The following NBAS variants were observed in gnomAD, a reference collection of about 807,000 sequenced individuals.
The protein encoded by NBAS is NBAS subunit of NRZ tethering complex, also known as NAG/BC035112 fusion.
Under a neutral mutation model 302.5 loss-of-function variants are expected in NBAS, and 219 were observed. The ratio of observed to expected loss-of-function variants is 0.72; its 90% CI spans 0.65 to 0.81. NBAS has a LOEUF of 0.81. Ranked by LOEUF, NBAS falls within the 30% of genes least tolerant of loss-of-function variation. The pLI is 0.00. For synonymous variants in NBAS, 1,118 were observed against 1,021.6 expected (o/e 1.09, Z -1.80); for missense variants, 2,932 against 2,841.6 (o/e 1.03, Z -0.72).
the NBAS span, among the ~76,000 whole-genome samples, chr2:14,785,166 T>G: frequency 6.6e-6 from 1 of 152,208 alleles, no homozygotes; most frequent in Non-Finnish European, 1.5e-5. Flanking sequence ...TGTACATTGA[T>G]TTTGTATCCT....
chr2:15,426,421 CTA>C (rs995563015), intron 22 of NBAS, among the ~76,000 whole-genome samples: 10 of 152,142 alleles, frequency 6.6e-5, no homozygotes, highest in Non-Finnish European at 1.5e-4. Flanking sequence ...TTCCTCCCCT[CTA>C]TTACCCATGG....
chr2:15,270,286 T>A (rs889738678), intron 44 of NBAS, among the ~76,000 whole-genome samples: 18 of 152,174 alleles, frequency 1.2e-4, no homozygotes, highest in African/African-American at 4.3e-4. Context: ...TGCCTCAGCC[T>A]CCCGAGTGGC....
At position 15,366,706 on chromosome 2, in the gene NBAS, G is replaced by A. The variant is rs757134769; in HGVS notation, c.3704-13C>T. ...GGGCACAATCGCACTACAAAAGAAA[G>A]ACGTATTAAAGACTTGGACCAGGGA... is the stretch of plus-strand genomic sequence containing the variant. On this transcript the variant is annotated splice_polypyrimidine_tract_variant and intron_variant, in intron 31 of 51. Transcript: ENST00000281513. The A allele has an allele frequency of 4.3e-6, 7 of 1,611,304 alleles. No individual in the cohort carries two copies. The South Asian group carries it at 7.7e-5, about 18-fold the overall frequency.
chr2:15,439,097 C>A (rs1042061115), intron 21 of NBAS, among the ~76,000 whole-genome samples: 3 of 151,970 alleles, frequency 2.0e-5, no homozygotes, highest in Non-Finnish European at 4.4e-5. Context: ...AGATCGAGAC[C>A]ATCCTGGCTA....
the NBAS span, among the ~76,000 whole-genome samples, chr2:14,861,191 G>A: frequency 6.6e-6 from 1 of 152,074 alleles, no homozygotes; most frequent in African/African-American, 2.4e-5. Context: ...ACACATCTTG[G>A]AGCTTTGCAC....
At chr2:14,846,919 A>G in the NBAS span, among the ~76,000 whole-genome samples, 1 of 152,184 alleles carries the variant, frequency 6.6e-6, no homozygotes. Flanking sequence ...AGAGAAAAAA[A>G]CAACCAGAAA....
chr2:15,001,965 A>T, the NBAS span, among the ~76,000 whole-genome samples: 1 of 152,116 alleles, frequency 6.6e-6, no homozygotes, highest in East Asian at 1.9e-4. Flanking sequence ...GCCTGCTTTT[A>T]TTCTCTTCTC....
At chr2:14,862,542 A>C in the NBAS span, among the ~76,000 whole-genome samples, 3 of 152,194 alleles carry the variant, frequency 2.0e-5, no homozygotes, top group Admixed American at 1.3e-4. Flanking sequence ...TGAAGAGAAA[A>C]AAACAAACAA....
the NBAS span, among the ~76,000 whole-genome samples, chr2:14,906,370 C>G: frequency 6.6e-6 from 1 of 152,206 alleles, no homozygotes; most frequent in Non-Finnish European, 1.5e-5. Flanking sequence ...ATAGCCTGCT[C>G]GTAAGTGGCA....
the NBAS span, among the ~76,000 whole-genome samples, chr2:15,052,887 C>T: frequency 6.6e-6 from 1 of 151,848 alleles, no homozygotes; most frequent in East Asian, 1.9e-4. Flanking sequence ...GGGTGAATAA[C>T]AAAAAGATTT....
intron 38 of NBAS, among the ~76,000 whole-genome samples, chr2:15,326,089 GC>G (rs1672051620): frequency 6.6e-6 from 1 of 152,082 alleles, no homozygotes; most frequent in Admixed American, 6.5e-5. Flanking sequence ...AGTTCATGGT[GC>G]CCCAAAACAA....
At chr2:15,499,102 C>T (rs563974432) in intron 11 of NBAS, among the ~76,000 whole-genome samples, 1 of 152,084 alleles carries the variant, frequency 6.6e-6, no homozygotes, top group Non-Finnish European at 1.5e-5. Context: ...CTAATTTTTG[C>T]ATTTTTAGTA....
At chr2:15,457,677 C>A (rs961944935) in intron 21 of NBAS, among the ~76,000 whole-genome samples, 2 of 152,168 alleles carry the variant, frequency 1.3e-5, no homozygotes, top group Admixed American at 1.3e-4. Context: ...GGTGCCCAAC[C>A]AATGGTGCGT....
chr2:15,437,298 CAG>C (rs1231669567), intron 21 of NBAS, among the ~76,000 whole-genome samples: 1 of 152,088 alleles, frequency 6.6e-6, no homozygotes, highest in Non-Finnish European at 1.5e-5. Flanking sequence ...TCCTGGGTGA[CAG>C]AGAGTCTCCA....
intron 38 of NBAS, among the ~76,000 whole-genome samples, chr2:15,309,781 T>G (rs1345193801): frequency 6.6e-6 from 1 of 152,214 alleles, no homozygotes; most frequent in Non-Finnish European, 1.5e-5. Context: ...CTTGTATGTC[T>G]TAAAATATCC....
At chr2:15,405,942 G>A (rs982074432) in intron 25 of NBAS, among the ~76,000 whole-genome samples, 4 of 151,778 alleles carry the variant, frequency 2.6e-5, no homozygotes, top group Admixed American at 2.0e-4. Flanking sequence ...AACAACATCC[G>A]CTATTATTGG....
chr2:15,237,771 ATTTTTT>A (rs765648566), intron 45 of NBAS, among the ~76,000 whole-genome samples: 134 of 66,548 alleles, frequency 2.0e-3, no homozygotes, highest in African/African-American at 7.2e-3. Flanking sequence ...TAATGTTTGT[ATTTTTT>A]TTTTTTTTTT....
chr2:14,908,378 T>A, the NBAS span, among the ~76,000 whole-genome samples: 1 of 152,162 alleles, frequency 6.6e-6, no homozygotes, highest in African/African-American at 2.4e-5. Flanking sequence ...ATAATAATAA[T>A]AAAAATAATA....
the NBAS span, among the ~76,000 whole-genome samples, chr2:14,847,629 A>G: frequency 6.6e-6 from 1 of 152,152 alleles, no homozygotes; most frequent in Admixed American, 6.5e-5. Flanking sequence ...GAGCATTCAG[A>G]TATATAAAGA....
Sources: gnomAD v4.1 joint callset for allele counts (sites outside exome capture counted in the v4.1 genomes callset) on GRCh38, gnomAD v4.1.1 for gene constraint, MANE v1.5 for transcripts, NCBI Gene and HGNC (gene_info 2026-07-23, HGNC 2026-07-21) for gene names.